The following RBFOX1 variants were observed in gnomAD, a reference collection of about 807,000 sequenced individuals.
RBFOX1 encodes the protein RNA binding fox-1 homolog 1.
A neutral mutation model predicts 57.7 loss-of-function variants in RBFOX1; 8 were observed. The observed-to-expected ratio is 0.14, with a 90% CI of 0.08 to 0.25. The LOEUF (loss-of-function observed/expected upper bound fraction) is 0.25. Among genes scored for constraint, RBFOX1 ranks in the 10% least tolerant of loss-of-function variants. RBFOX1 has a pLI of 1.00. For synonymous variants in RBFOX1, 326 were observed against 222.4 expected (o/e 1.47, Z -4.15); for missense variants, 611 against 548.5 (o/e 1.11, Z -1.14).
chr16:5,965,921 C>A (rs996149371), intron 4 of RBFOX1, among the ~76,000 whole-genome samples: 2 of 152,106 alleles, frequency 1.3e-5, no homozygotes, highest in African/African-American at 4.8e-5. Context: ...CCCTGAGATA[C>A]CCTCCCCAGA....
chr16:5,486,245 A>T (rs1434752947), intron 2 of RBFOX1, among the ~76,000 whole-genome samples: 2 of 152,180 alleles, frequency 1.3e-5, no homozygotes, highest in Non-Finnish European at 2.9e-5. Flanking sequence ...TTAGGGTTCC[A>T]TCAAGGGTCA....
chr16:5,930,593 G>C (rs2059031081), intron 4 of RBFOX1, among the ~76,000 whole-genome samples: 1 of 123,498 alleles, frequency 8.1e-6, no homozygotes, highest in African/African-American at 3.2e-5. Context: ...TGGGAGGGTG[G>C]GTAGGTGGAC....
At chr16:6,965,402 G>C (rs1178462123) in intron 3 of RBFOX1, among the ~76,000 whole-genome samples, 1 of 151,784 alleles carries the variant, frequency 6.6e-6, no homozygotes, top group Non-Finnish European at 1.5e-5. Context: ...TAGTGCAGTG[G>C]CGTGATCTCA....
At chr16:7,070,840 C>G (rs1168964925) in intron 4 of RBFOX1, among the ~76,000 whole-genome samples, 1 of 152,174 alleles carries the variant, frequency 6.6e-6, no homozygotes, top group Non-Finnish European at 1.5e-5. Context: ...CCTAACTGCA[C>G]AGACACCAAA....
chr16:6,945,854 G>T (rs1329038314), intron 3 of RBFOX1, among the ~76,000 whole-genome samples: 4 of 152,172 alleles, frequency 2.6e-5, no homozygotes, highest in African/African-American at 7.2e-5. Flanking sequence ...TCAAATCACT[G>T]CACTCCCCAC....
intron 3 of RBFOX1, among the ~76,000 whole-genome samples, chr16:6,758,916 C>CGG (rs576969410): frequency 6.6e-6 from 1 of 151,630 alleles, no homozygotes; most frequent in South Asian, 2.1e-4. Flanking sequence ...TTCAGGGAGT[C>CGG]GGGGGGGAAA....
chr16:6,232,155 G>A (rs1329400165), intron 1 of RBFOX1, among the ~76,000 whole-genome samples: 1 of 152,138 alleles, frequency 6.6e-6, no homozygotes, highest in East Asian at 1.9e-4. Context: ...ATTTTGCAAG[G>A]GCAGCAGCAT....
intron 3 of RBFOX1, among the ~76,000 whole-genome samples, chr16:6,923,263 G>T (rs71374920): frequency 1.3e-5 from 2 of 152,312 alleles, no homozygotes; most frequent in Admixed American, 6.5e-5. Flanking sequence ...GCCAGGTGTG[G>T]TGGCTCATGC....
intron 11 of RBFOX1, among the ~76,000 whole-genome samples, chr16:7,636,333 A>G (rs988087817): frequency 1.6e-4 from 24 of 152,204 alleles, no homozygotes; most frequent in African/African-American, 5.3e-4. Flanking sequence ...CCTTTCTCCT[A>G]TTAATGATCA....
intron 2 of RBFOX1, among the ~76,000 whole-genome samples, chr16:5,510,211 G>C (rs1328854610): frequency 1.3e-5 from 2 of 152,214 alleles, no homozygotes; most frequent in Admixed American, 1.3e-4. Flanking sequence ...CTATAGCAGA[G>C]GAAGAAACAT....
chr16:7,405,719 GA>G (rs766647199), intron 4 of RBFOX1, among the ~76,000 whole-genome samples: 15 of 152,188 alleles, frequency 9.9e-5, no homozygotes, highest in Non-Finnish European at 1.6e-4. Flanking sequence ...CCTGTTACCA[GA>G]AAGTGGACAG....
At chr16:7,203,287 C>T (rs2089115975) in intron 4 of RBFOX1, among the ~76,000 whole-genome samples, 2 of 152,116 alleles carry the variant, frequency 1.3e-5, no homozygotes, top group South Asian at 4.1e-4. Flanking sequence ...ATAAGCCAGT[C>T]ACAAAAACAC....
chr16:7,297,629 C>G (rs979403768), intron 4 of RBFOX1, among the ~76,000 whole-genome samples: 1 of 151,902 alleles, frequency 6.6e-6, no homozygotes, highest in Non-Finnish European at 1.5e-5. Context: ...GGGAAAGTTA[C>G]CACCATTAAA....
At chr16:6,436,226 C>T (rs1009719165) in intron 2 of RBFOX1, among the ~76,000 whole-genome samples, 33 of 151,962 alleles carry the variant, frequency 2.2e-4, no homozygotes, top group African/African-American at 7.8e-4. Flanking sequence ...CATGGGAATG[C>T]AAGAGCTACC....
intron 4 of RBFOX1, among the ~76,000 whole-genome samples, chr16:7,309,014 G>A (rs1392788851): frequency 6.6e-6 from 1 of 152,180 alleles, no homozygotes; most frequent in Non-Finnish European, 1.5e-5. Flanking sequence ...GTGGTCGATA[G>A]TGTCAGTAAC....
intron 4 of RBFOX1, among the ~76,000 whole-genome samples, chr16:7,408,561 G>A (rs527731014): frequency 3.0e-4 from 46 of 152,144 alleles, no homozygotes; most frequent in Admixed American, 7.9e-4. Flanking sequence ...TGAGTATTGC[G>A]ATTGCTGTTC....
intron 1 of RBFOX1, among the ~76,000 whole-genome samples, chr16:6,127,615 G>T (rs1431859366): frequency 6.6e-6 from 1 of 152,146 alleles, no homozygotes; most frequent in African/African-American, 2.4e-5. Context: ...AAATAATTCT[G>T]TTCTCCAGTC....
chr16:6,968,877 G>C (rs761064035), intron 3 of RBFOX1, among the ~76,000 whole-genome samples: 1 of 150,360 alleles, frequency 6.7e-6, no homozygotes, highest in Non-Finnish European at 1.5e-5. Flanking sequence ...GGCTACTCTT[G>C]ACTCTTGGCT....
At chr16:7,681,774 C>G (rs974625810) in intron 14 of RBFOX1, among the ~76,000 whole-genome samples, 2 of 151,938 alleles carry the variant, frequency 1.3e-5, no homozygotes, top group Non-Finnish European at 2.9e-5. Context: ...ATTTGGAACC[C>G]TTAATGAAAG....
Sources: gnomAD v4.1 joint callset for allele counts (sites outside exome capture counted in the v4.1 genomes callset) on GRCh38, gnomAD v4.1.1 for gene constraint, MANE v1.5 for transcripts, NCBI Gene and HGNC (gene_info 2026-07-23, HGNC 2026-07-21) for gene names.